Variants in UBE2E3 observed in about 807,000 individuals in gnomAD.
The protein encoded by UBE2E3 is ubiquitin conjugating enzyme E2 E3.
Under a neutral mutation model 23.6 loss-of-function variants are expected in UBE2E3, and 5 were observed. The observed-to-expected ratio is 0.21, with a 90% CI of 0.11 to 0.44. UBE2E3 has a LOEUF of 0.44. UBE2E3 is among the 20% of genes least tolerant of loss of function. The probability of loss-of-function intolerance (pLI) is 0.99; values close to 1 mark genes in which losing one functional copy is unlikely to be tolerated. For missense variants in UBE2E3, 81 were observed against 249.8 expected (o/e 0.32, Z 4.55); for synonymous variants, 78 against 87.5 (o/e 0.89, Z 0.60).
At chr2:181,036,950 A>G (rs774704092) in intron 3 of UBE2E3, among the ~76,000 whole-genome samples, 1 of 152,218 alleles carries the variant, frequency 6.6e-6, no homozygotes, top group Non-Finnish European at 1.5e-5. Flanking sequence ...GAACCTATCC[A>G]CAACATTAAG....
intron 5 of UBE2E3, among the ~76,000 whole-genome samples, chr2:181,062,272 G>C (rs1687180521): frequency 6.6e-6 from 1 of 151,418 alleles, no homozygotes. Context: ...TTTATATCAG[G>C]TTCACTCTCT....
chr2:180,983,672 A>C (rs1574151657), intron 2 of UBE2E3, among the ~76,000 whole-genome samples: 1 of 152,346 alleles, frequency 6.6e-6, no homozygotes, highest in African/African-American at 2.4e-5. Flanking sequence ...AGTCCTTGTC[A>C]AATATTCCAG....
intron 3 of UBE2E3, among the ~76,000 whole-genome samples, chr2:180,995,326 G>T (rs967173750): frequency 2.0e-5 from 3 of 152,110 alleles, no homozygotes; most frequent in Non-Finnish European, 4.4e-5. Context: ...AGCTGTAGGT[G>T]CCTGCCATTT....
In UBE2E3 at chr2:181,012,229, AATGTAC is replaced by A. The variant is rs1375685158; in HGVS notation, c.245+28142_245+28147del. ...TTAACAACACTGATTAGTTTCAGTA[AATGTAC>A]ATGTATAACAAAGTATACATGTACT... On this transcript the variant is annotated intron_variant, in intron 3 of 5. Transcript: ENST00000410062. 2.6e-5 allele frequency among the ~76,000 whole-genome samples: 4 copies of A among 152,300 alleles called. 1 individual carries two copies. The highest frequency in any genetic ancestry group is 2.0e-4 in the Admixed American group (3 of 15,296).
At chr2:181,002,911 G>C (rs539885167) in intron 3 of UBE2E3, among the ~76,000 whole-genome samples, 1 of 152,334 alleles carries the variant, frequency 6.6e-6, no homozygotes, top group South Asian at 2.1e-4. Flanking sequence ...TTCTTGGCTA[G>C]AGATAACTAG....
intron 2 of UBE2E3, among the ~76,000 whole-genome samples, chr2:180,983,656 A>G (rs1476325113): frequency 6.6e-6 from 1 of 152,234 alleles, no homozygotes; most frequent in Non-Finnish European, 1.5e-5. Context: ...AGTAAAAGTC[A>G]CTTCAAGTCC....
Position 180,993,100 on chromosome 2 carries a change from A to G in UBE2E3, c.245+9007A>G, listed in dbSNP as rs149249707. ...GGATTTTTATCTCTGTTGACATTCT[A>G]TCAGTTTTATAAGGGTGTATAGAGA... On this transcript the variant is annotated intron_variant, in intron 3 of 5. Transcript: ENST00000410062. Among the ~76,000 whole-genome samples, 817 of 152,274 alleles carry G rather than the reference A, an allele frequency of 5.4e-3. 6 individuals are homozygous for G. Among genetic ancestry groups the G allele is most frequent in the Non-Finnish European group, 6.6e-3 (452 of 68,022 alleles).
intron 4 of UBE2E3, among the ~76,000 whole-genome samples, chr2:181,059,311 G>T (rs537092952): frequency 1.5e-4 from 23 of 151,828 alleles, no homozygotes; most frequent in African/African-American, 4.6e-4. Context: ...ATATTTAATA[G>T]AAATCTGCTC....
chr2:180,999,289 A>G (rs1559116016), intron 3 of UBE2E3, among the ~76,000 whole-genome samples: 1 of 152,118 alleles, frequency 6.6e-6, no homozygotes, highest in Middle Eastern at 3.2e-3. Context: ...CATTTCAAGA[A>G]ATACCACAAT....
At chr2:180,995,921 C>T (rs1015462722) in intron 3 of UBE2E3, among the ~76,000 whole-genome samples, 1 of 152,040 alleles carries the variant, frequency 6.6e-6, no homozygotes, top group Non-Finnish European at 1.5e-5. Context: ...ATTTGGTTAC[C>T]TGGTCATACA....
intron 3 of UBE2E3, among the ~76,000 whole-genome samples, chr2:181,027,513 T>C (rs1685933865): frequency 6.6e-6 from 1 of 152,020 alleles, no homozygotes; most frequent in South Asian, 2.1e-4. Flanking sequence ...GAGATTTAAC[T>C]TAAAAATATA....
At chr2:180,995,933 G>GGTAA (rs1363370856) in intron 3 of UBE2E3, among the ~76,000 whole-genome samples, 4 of 151,814 alleles carry the variant, frequency 2.6e-5, no homozygotes, top group Non-Finnish European at 5.9e-5. Context: ...GGTCATACAT[G>GGTAA]GTAAAGGTAA....
At chr2:181,050,113 A>G (rs1269964930) in intron 3 of UBE2E3, among the ~76,000 whole-genome samples, 8 of 151,946 alleles carry the variant, frequency 5.3e-5, no homozygotes, top group East Asian at 3.9e-4. Flanking sequence ...AAAAACTTAC[A>G]TATCAGAATC....
intron 3 of UBE2E3, 36 bp downstream of exon 3, chr2:180,984,129 G>T (rs535474322): frequency 2.6e-6 from 4 of 1,562,918 alleles, no homozygotes; most frequent in African/African-American, 1.4e-5. Flanking sequence ...GTTTCAAATT[G>T]TGGAAAAATA....
At chr2:180,998,361 T>G (rs1309435065) in intron 3 of UBE2E3, among the ~76,000 whole-genome samples, 1 of 152,054 alleles carries the variant, frequency 6.6e-6, no homozygotes, top group Non-Finnish European at 1.5e-5. Flanking sequence ...TAAATGTGCA[T>G]TTTAAGAAGG....
In UBE2E3 at chr2:181,022,874, T is replaced by G. The variant is rs201270976; in HGVS notation, c.246-34819T>G. 3.9e-5 allele frequency among the ~76,000 whole-genome samples: 6 copies of G among 152,128 alleles called. No individual in the cohort carries two copies. The East Asian group carries it at 1.2e-3, about 29-fold the overall frequency. On this transcript the variant is annotated intron_variant, in intron 3 of 5. Transcript: ENST00000410062. The stretch of plus-strand genomic sequence containing the variant: ...TGTAAATGACTGCAAAAGCCCCTAG[T>G]ATTGATTTTTGGCTTACAAATACCA...
chr2:180,982,900 T>C lies in UBE2E3; in HGVS notation c.194+664T>C, dbSNP rs184281668. Among the ~76,000 whole-genome samples the C allele has an allele frequency of 8.5e-5, 13 of 152,318 alleles. No homozygotes were observed. The East Asian group carries it at 2.3e-3, about 27-fold the overall frequency. ...AAACTTGCATTGTCCTTGGGCCTCTTCACTCTGAAACTTGTGGATGTGCTT... is the reference window on the plus strand; with the variant it reads ...AAACTTGCATTGTCCTTGGGCCTCTCCACTCTGAAACTTGTGGATGTGCTT... On this transcript the variant is annotated intron_variant, in intron 2 of 5. Transcript: ENST00000410062.
At chr2:181,012,650 G>A (rs767875487) in intron 3 of UBE2E3, among the ~76,000 whole-genome samples, 1 of 152,136 alleles carries the variant, frequency 6.6e-6, no homozygotes, top group Non-Finnish European at 1.5e-5. Flanking sequence ...TAAAATGAGT[G>A]CAGTATATTC....
intron 3 of UBE2E3, among the ~76,000 whole-genome samples, chr2:181,057,353 G>GA (rs1363746685): frequency 6.6e-6 from 1 of 151,862 alleles, no homozygotes; most frequent in East Asian, 2.0e-4. Context: ...AGGTGACTCA[G>GA]AAAAAAGTAT....
Sources: gnomAD v4.1 joint callset for allele counts (sites outside exome capture counted in the v4.1 genomes callset) on GRCh38, gnomAD v4.1.1 for gene constraint, MANE v1.5 for transcripts, NCBI Gene and HGNC (gene_info 2026-07-23, HGNC 2026-07-21) for gene names.